RUNDC3B: variants seen among roughly 807,000 people sequenced by gnomAD.
The protein encoded by RUNDC3B is RUN domain containing 3B, also known as RUN domain-containing protein 3B.
RUNDC3B carries 33 observed loss-of-function variants against 58.4 expected under a neutral mutation model. The ratio of observed to expected loss-of-function variants is 0.56; its 90% confidence interval spans 0.43 to 0.75. The LOEUF (loss-of-function observed/expected upper bound fraction) is 0.75, where lower values mean the gene tolerates loss of function less well. Among genes scored for constraint, RUNDC3B ranks in the 30% least tolerant of loss-of-function variants. The pLI is 0.00. For missense variants in RUNDC3B, 501 were observed against 535.7 expected, an observed-to-expected ratio of 0.94 and a Z score of 0.64; for synonymous variants, 193 against 195.2, an observed-to-expected ratio of 0.99 and a Z score of 0.10.
Position 87,649,940 on chromosome 7 carries a change from A to G in RUNDC3B, c.123-882A>G, listed in dbSNP as rs531495911. ...CTTTACTCTTCCTTCATCTTCTGCC[A>G]TAATTGTGAGGCCTTCCCAGCCATG... On this transcript the variant is annotated intron_variant, in intron 1 of 10. Coordinates refer to ENST00000394654, the MANE Select transcript of RUNDC3B (RefSeq NM_001134405.2). Among the ~76,000 whole-genome samples the G allele has an allele frequency of 6.0e-4, 91 of 152,322 alleles. 1 individual carries two copies. The highest frequency in any genetic ancestry group is 2.1e-3 in the African/African-American group (86 of 41,570).
chr7:87,743,657 G>C (rs1368740567), intron 6 of RUNDC3B, among the ~76,000 whole-genome samples: 6 of 152,010 alleles, frequency 3.9e-5, no homozygotes, highest in Non-Finnish European at 8.8e-5. Flanking sequence ...TTTTTGATGG[G>C]ATTGTTTGGT....
At chr7:87,733,024 T>C (rs988066920) in intron 4 of RUNDC3B, among the ~76,000 whole-genome samples, 4 of 152,150 alleles carry the variant, frequency 2.6e-5, no homozygotes, top group African/African-American at 9.7e-5. Context: ...AGACAACCGG[T>C]TAGACCAGAA....
chr7:87,822,318 C>T (rs956037390), intron 10 of RUNDC3B, among the ~76,000 whole-genome samples: 3 of 152,180 alleles, frequency 2.0e-5, no homozygotes, highest in Non-Finnish European at 4.4e-5. Flanking sequence ...CAGAGAAATG[C>T]AAGTCAAAAC....
intron 4 of RUNDC3B, among the ~76,000 whole-genome samples, chr7:87,717,204 A>G (rs1830597381): frequency 1.3e-5 from 2 of 152,174 alleles, no homozygotes; most frequent in Admixed American, 6.6e-5. Flanking sequence ...GAGGTATTCT[A>G]TATCAGGACA....
chr7:87,631,178 G>A (rs1450662124), intron 1 of RUNDC3B, among the ~76,000 whole-genome samples: 1 of 152,160 alleles, frequency 6.6e-6, no homozygotes, highest in African/African-American at 2.4e-5. Flanking sequence ...TTATCCATGT[G>A]TAGTAATGGG....
At chr7:87,720,909 ATTTTTAACTAT>A (rs1830845848) in intron 4 of RUNDC3B, among the ~76,000 whole-genome samples, 4 of 151,796 alleles carry the variant, frequency 2.6e-5, no homozygotes, top group African/African-American at 9.7e-5. Context: ...CATTTAGCTA[ATTTTTAACTAT>A]AATATTTTAA....
At chr7:87,726,474 A>G (rs947700982) in intron 4 of RUNDC3B, among the ~76,000 whole-genome samples, 2 of 152,156 alleles carry the variant, frequency 1.3e-5, no homozygotes, top group Non-Finnish European at 2.9e-5. Flanking sequence ...TACCAGTACC[A>G]TGCTGTTTTG....
At chr7:87,823,146 AG>A (rs1454677916) in intron 10 of RUNDC3B, among the ~76,000 whole-genome samples, 1 of 152,156 alleles carries the variant, frequency 6.6e-6, no homozygotes, top group Non-Finnish European at 1.5e-5. Flanking sequence ...CTAAAGGTAA[AG>A]GGATCAGGCC....
chr7:87,658,658 T>A (rs909364475), intron 2 of RUNDC3B, among the ~76,000 whole-genome samples: 1 of 152,114 alleles, frequency 6.6e-6, no homozygotes, highest in African/African-American at 2.4e-5. Context: ...TGCCTACAAG[T>A]AAGCAATTGA....
intron 6 of RUNDC3B, 134 bp downstream of exon 6, chr7:87,741,713 T>G (rs1348645830): frequency 3.8e-6 from 2 of 522,252 alleles, no homozygotes; most frequent in Non-Finnish European, 6.8e-6. Flanking sequence ...GGTACAAGCT[T>G]CAGTTGCATT....
At chr7:87,706,921 C>T (rs1829648222) in intron 3 of RUNDC3B, among the ~76,000 whole-genome samples, 1 of 152,118 alleles carries the variant, frequency 6.6e-6, no homozygotes, top group African/African-American at 2.4e-5. Context: ...CAGTCTAGTT[C>T]TGGAGAGATA....
At chr7:87,705,082 C>G (rs1829467587) in intron 3 of RUNDC3B, among the ~76,000 whole-genome samples, 1 of 152,156 alleles carries the variant, frequency 6.6e-6, no homozygotes, top group African/African-American at 2.4e-5. Context: ...CACTTAGATT[C>G]ATATTGTAGA....
chr7:87,783,679 T>C (rs554287546), intron 8 of RUNDC3B, among the ~76,000 whole-genome samples: 22 of 152,342 alleles, frequency 1.4e-4, no homozygotes, highest in Non-Finnish European at 3.1e-4. Context: ...CAAGGATCTC[T>C]TGCAAGGCTG....
chr7:87,743,036 C>T (rs1221524420), intron 6 of RUNDC3B, among the ~76,000 whole-genome samples: 3 of 151,872 alleles, frequency 2.0e-5, no homozygotes, highest in Non-Finnish European at 4.4e-5. Flanking sequence ...ATGGTGTGAA[C>T]CTGGGAGGCG....
At chr7:87,658,693 A>G (rs991064745) in intron 2 of RUNDC3B, among the ~76,000 whole-genome samples, 2 of 152,180 alleles carry the variant, frequency 1.3e-5, no homozygotes, top group Non-Finnish European at 2.9e-5. Context: ...CTGATCAGAA[A>G]CCATGGAGGC....
chr7:87,828,456 A>G (rs1269882483), intron 10 of RUNDC3B, among the ~76,000 whole-genome samples: 3 of 152,074 alleles, frequency 2.0e-5, no homozygotes, highest in Admixed American at 6.6e-5. Flanking sequence ...TCTCACTTAT[A>G]AGAGATTATA....
intron 4 of RUNDC3B, among the ~76,000 whole-genome samples, chr7:87,725,807 A>G (rs1446538026): frequency 6.6e-6 from 1 of 151,954 alleles, no homozygotes; most frequent in Non-Finnish European, 1.5e-5. Context: ...ATGGTACCTC[A>G]CTGTGGTTTT....
intron 2 of RUNDC3B, among the ~76,000 whole-genome samples, chr7:87,654,677 T>G (rs1361584859): frequency 2.0e-5 from 3 of 152,080 alleles, no homozygotes; most frequent in Admixed American, 6.6e-5. Context: ...TGATGACATT[T>G]TTGGATTTGA....
At chr7:87,763,128 C>G (rs1385570517) in intron 6 of RUNDC3B, among the ~76,000 whole-genome samples, 1 of 151,398 alleles carries the variant, frequency 6.6e-6, no homozygotes, top group Admixed American at 6.6e-5. Flanking sequence ...TTTTAATATG[C>G]AGATTTAAAA....
Sources: allele counts gnomAD v4.1 joint callset (sites outside exome capture counted in the v4.1 genomes callset), GRCh38; gene constraint gnomAD v4.1.1; transcripts MANE v1.5; gene names NCBI Gene and HGNC (gene_info 2026-07-23, HGNC 2026-07-21).